Variants in DCLK2 observed in about 807,000 individuals in gnomAD.
DCLK2 encodes doublecortin like kinase 2.
In DCLK2, 31 loss-of-function variants were observed where a neutral mutation model predicts 78.4. The ratio of observed to expected loss-of-function variants is 0.40; its 90% confidence interval spans 0.30 to 0.53. The LOEUF (loss-of-function observed/expected upper bound fraction) is 0.53. DCLK2 is among the 20% of genes least tolerant of loss of function. The probability of loss-of-function intolerance (pLI) is 0.61; values close to 1 mark genes in which losing one functional copy is unlikely to be tolerated. For missense variants in DCLK2, 872 were observed against 973.7 expected, an observed-to-expected ratio of 0.90 and a Z score of 1.39; for synonymous variants, 407 against 374.9, an observed-to-expected ratio of 1.09 and a Z score of -0.99.
intron 2 of DCLK2, among the ~76,000 whole-genome samples, chr4:150,170,568 C>T (rs543272274): frequency 2.8e-4 from 43 of 152,192 alleles, no homozygotes; most frequent in Admixed American, 1.7e-3. Context: ...GTGCGAGTAG[C>T]GAGGTTCATA....
At chr4:150,152,499 C>G (rs899254946) in intron 2 of DCLK2, among the ~76,000 whole-genome samples, 2 of 152,160 alleles carry the variant, frequency 1.3e-5, no homozygotes, top group Non-Finnish European at 2.9e-5. Context: ...CCAGGCTGGT[C>G]TTGAACTCCT....
chr4:150,138,443 T>G (rs1043629694), intron 2 of DCLK2, among the ~76,000 whole-genome samples: 4 of 152,184 alleles, frequency 2.6e-5, no homozygotes, highest in Admixed American at 2.6e-4. Context: ...ACCCCGTCTC[T>G]ACTATAAATA....
At chr4:150,141,714 T>A (rs1464295642) in intron 2 of DCLK2, among the ~76,000 whole-genome samples, 1 of 152,230 alleles carries the variant, frequency 6.6e-6, no homozygotes, top group Non-Finnish European at 1.5e-5. Context: ...TTCATTTTTT[T>A]AGCAGAAAGA....
chr4:150,232,555 A>T, intron 9 of DCLK2, 99 bp downstream of exon 9: 5 of 1,538,850 alleles, frequency 3.2e-6, no homozygotes, highest in Non-Finnish European at 4.4e-6. Context: ...CATAACTTTC[A>T]TTATTTATAA....
At chr4:150,208,114 T>C (rs781614715) in intron 5 of DCLK2, among the ~76,000 whole-genome samples, 1 of 152,194 alleles carries the variant, frequency 6.6e-6, no homozygotes, top group Non-Finnish European at 1.5e-5. Context: ...GGATTTTCCC[T>C]GAACTGACTT....
intron 1 of DCLK2, among the ~76,000 whole-genome samples, chr4:150,092,252 T>C (rs1257011811): frequency 6.6e-6 from 1 of 152,220 alleles, no homozygotes; most frequent in Non-Finnish European, 1.5e-5. Flanking sequence ...CTATTGTGAA[T>C]TATGGTGTAA....
chr4:150,106,157 C>T (rs994611174), intron 2 of DCLK2, among the ~76,000 whole-genome samples: 4 of 151,314 alleles, frequency 2.6e-5, no homozygotes, highest in South Asian at 2.1e-4. Context: ...ATTGCATTTT[C>T]AGCGAACCGG....
At chr4:150,125,399 C>G (rs897562225) in intron 2 of DCLK2, among the ~76,000 whole-genome samples, 1 of 151,928 alleles carries the variant, frequency 6.6e-6, no homozygotes, top group South Asian at 2.1e-4. Flanking sequence ...AAACTTTTTC[C>G]AGAACTTTTA....
At chr4:150,247,532 C>G in intron 12 of DCLK2, 71 bp from the exon 13 acceptor site, 2 of 1,374,046 alleles carry the variant, frequency 1.5e-6, no homozygotes, top group Non-Finnish European at 2.1e-6. Flanking sequence ...CCCCGCTCTT[C>G]CTGTGGACAT....
rs765038561 is a variant in DCLK2 at position 150,239,861 on chromosome 4, C to T, written c.1686C>T (p.Ile562=). The T allele has an allele frequency of 4.6e-5, 74 of 1,613,958 alleles. No homozygotes were observed. The highest frequency in any genetic ancestry group is 6.0e-5 in the Non-Finnish European group (71 of 1,180,010). ...CGTPTYVAPE[I]IAETGYGLKV... is the part of the protein sequence containing the mutation. ...CACCCACTTATGTGGCTCCAGAAAT[C>T]ATTGCTGAAACTGGGTAAGACTTCT... The change falls in exon 11 of 16, where the codon ATC becomes ATT. Residue 562 remains isoleucine (I), a synonymous_variant. Coordinates refer to ENST00000296550, the MANE Select transcript of DCLK2 (RefSeq NM_001040260.4).
intron 1 of DCLK2, among the ~76,000 whole-genome samples, chr4:150,095,317 T>G (rs942931831): frequency 6.6e-5 from 10 of 152,248 alleles, no homozygotes; most frequent in African/African-American, 2.4e-4. Flanking sequence ...TTACCGCCTA[T>G]GAAGGCATCC....
intron 2 of DCLK2, among the ~76,000 whole-genome samples, chr4:150,114,625 A>G (rs1731939925): frequency 6.6e-6 from 1 of 152,200 alleles, no homozygotes; most frequent in South Asian, 2.1e-4. Flanking sequence ...TCTGAAAAAG[A>G]CTTTATTTTG....
At chr4:150,137,236 C>T (rs1315015990) in intron 2 of DCLK2, among the ~76,000 whole-genome samples, 1 of 152,064 alleles carries the variant, frequency 6.6e-6, no homozygotes, top group African/African-American at 2.4e-5. Flanking sequence ...TTAGCTGGGA[C>T]AGGTTGTCTG....
At chr4:150,141,517 A>G (rs1308805260) in intron 2 of DCLK2, among the ~76,000 whole-genome samples, 1 of 152,186 alleles carries the variant, frequency 6.6e-6, no homozygotes, top group African/African-American at 2.4e-5. Context: ...CCTGGTGGGT[A>G]GGGCTTTGTT....
At chr4:150,139,811 T>C (rs1468860226) in intron 2 of DCLK2, among the ~76,000 whole-genome samples, 1 of 152,248 alleles carries the variant, frequency 6.6e-6, no homozygotes, top group Non-Finnish European at 1.5e-5. Flanking sequence ...TTGAGTCAAG[T>C]GTACATTCCA....
At chr4:150,101,806 T>G (rs1318539282) in intron 1 of DCLK2, among the ~76,000 whole-genome samples, 1 of 152,184 alleles carries the variant, frequency 6.6e-6, no homozygotes, top group Admixed American at 6.5e-5. Flanking sequence ...CCTCTCCTAT[T>G]TAAGTAGATA....
intron 1 of DCLK2, among the ~76,000 whole-genome samples, chr4:150,101,048 T>A (rs534757817): frequency 1.3e-5 from 2 of 151,616 alleles, no homozygotes; most frequent in Non-Finnish European, 2.9e-5. Context: ...AACACAGGAG[T>A]TCAAGACCAG....
intron 2 of DCLK2, among the ~76,000 whole-genome samples, chr4:150,172,269 G>A (rs1345982102): frequency 1.3e-5 from 2 of 152,108 alleles, no homozygotes; most frequent in Non-Finnish European, 2.9e-5. Context: ...ATATGCAGCA[G>A]CTCTCAGCAA....
chr4:150,154,256 T>C (rs1289019239), intron 2 of DCLK2, among the ~76,000 whole-genome samples: 1 of 152,204 alleles, frequency 6.6e-6, no homozygotes, highest in Non-Finnish European at 1.5e-5. Flanking sequence ...GACCAGAGTG[T>C]CCTTTAGTTA....
Sources: allele counts gnomAD v4.1 joint callset (sites outside exome capture counted in the v4.1 genomes callset), GRCh38; gene constraint gnomAD v4.1.1; transcripts MANE v1.5; gene names NCBI Gene and HGNC (gene_info 2026-07-23, HGNC 2026-07-21).